Variants in IL23R observed in about 807,000 individuals in gnomAD.
IL23R encodes interleukin 23 receptor.
In IL23R, 34 loss-of-function variants were observed where a neutral mutation model predicts 56.9. That is an observed-to-expected ratio of 0.60 (90% CI 0.45 to 0.80). The LOEUF (loss-of-function observed/expected upper bound fraction) is 0.80. Ranked by LOEUF, IL23R falls within the 30% of genes least tolerant of loss-of-function variation. The pLI, the probability that IL23R is intolerant of heterozygous loss-of-function variation, is 0.00. For missense variants in IL23R, 635 were observed against 730.0 expected, an observed-to-expected ratio of 0.87 and a Z score of 1.50; for synonymous variants, 230 against 249.2, an observed-to-expected ratio of 0.92 and a Z score of 0.73.
intron 3 of IL23R, among the ~76,000 whole-genome samples, chr1:67,177,253 A>G (rs1647023189): frequency 2.0e-5 from 3 of 152,160 alleles, no homozygotes; most frequent in South Asian, 4.2e-4. Context: ...AAGTGTTCCT[A>G]TTTCTCCACA....
intron 1 of IL23R, among the ~76,000 whole-genome samples, chr1:67,155,454 C>T (rs1192405722): frequency 1.3e-5 from 2 of 152,222 alleles, no homozygotes; most frequent in Non-Finnish European, 2.9e-5. Context: ...GGTCTTCTTA[C>T]ATAGTCCCAT....
Position 67,219,715 on chromosome 1 carries a change from A to G in IL23R, c.940A>G (p.Lys314Glu). The G allele has an allele frequency of 1.2e-6, 2 of 1,613,654 alleles. No homozygotes were observed. Among genetic ancestry groups the G allele is most frequent in the Non-Finnish European group, 8.5e-7 (1 of 1,179,560 alleles). The change falls in exon 7 of 11, where the codon AAA becomes GAA. Residue 314 changes from lysine to glutamate, a missense_variant. Coordinates refer to ENST00000347310, the MANE Select transcript of IL23R (RefSeq NM_144701.3). ...GCCTTGGAGTTCACTGTTTTTTCAT[A>G]AAACACCTGAAACAGGTGAGTGTAC... ...WQPWSSLFFH[K>E]TPETVPQVTS... is the part of the protein sequence containing the mutation.
chr1:67,143,145 AG>A (rs1052760278), intron 1 of IL23R, among the ~76,000 whole-genome samples: 8 of 152,204 alleles, frequency 5.3e-5, no homozygotes, highest in African/African-American at 1.9e-4. Flanking sequence ...AAGAAAACTT[AG>A]GGTAAATATC....
chr1:67,208,627 T>G (rs1354507901), intron 6 of IL23R, among the ~76,000 whole-genome samples: 1 of 152,112 alleles, frequency 6.6e-6, no homozygotes, highest in Non-Finnish European at 1.5e-5. Context: ...AGAATTGAGG[T>G]TTGGGAACCT....
At chr1:67,244,643 A>C (rs553188890) in intron 9 of IL23R, among the ~76,000 whole-genome samples, 1 of 152,064 alleles carries the variant, frequency 6.6e-6, no homozygotes, top group Admixed American at 6.5e-5. Flanking sequence ...GTTATTTCTG[A>C]GGTCTCTGTT....
At chr1:67,212,371 G>C (rs1473711202) in intron 6 of IL23R, among the ~76,000 whole-genome samples, 3 of 152,148 alleles carry the variant, frequency 2.0e-5, no homozygotes, top group South Asian at 2.1e-4. Flanking sequence ...AGGAGTGGGA[G>C]GATACCAAAG....
At chr1:67,193,042 T>C (rs930441505) in intron 4 of IL23R, among the ~76,000 whole-genome samples, 1 of 152,154 alleles carries the variant, frequency 6.6e-6, no homozygotes, top group African/African-American at 2.4e-5. Context: ...TCTGATTTTG[T>C]CTTTAATCCC....
At chr1:67,183,724 G>T (rs1647198008) in intron 4 of IL23R, among the ~76,000 whole-genome samples, 4 of 151,994 alleles carry the variant, frequency 2.6e-5, no homozygotes, top group Non-Finnish European at 4.4e-5. Flanking sequence ...ATATAATTAT[G>T]CCATATTACC....
rs563275016 is a variant in IL23R at position 67,201,560 on chromosome 1, A to C, written c.652+663A>C. On this transcript the variant is annotated intron_variant, in intron 5 of 10. Transcript: ENST00000347310. ...AATCTACTAGGGAAGGCAAAAAAAAAAAAAACAAAAAAACACTATGATCAT... is the reference window on the plus strand; with the variant it reads ...AATCTACTAGGGAAGGCAAAAAAAACAAAAACAAAAAAACACTATGATCAT... Among the ~76,000 whole-genome samples the C allele has an allele frequency of 3.3e-5, 5 of 151,934 alleles. No homozygotes were observed. The South Asian group carries it at 6.2e-4, about 19-fold the overall frequency.
intron 7 of IL23R, among the ~76,000 whole-genome samples, chr1:67,228,010 CT>C (rs1230878028): frequency 3.3e-5 from 3 of 90,154 alleles, no homozygotes; most frequent in Admixed American, 1.1e-4. Flanking sequence ...TTCTTTCTTT[CT>C]TTCTTTCTTC....
upstream of IL23R, among the ~76,000 whole-genome samples, chr1:67,163,080 A>G (rs547152533): frequency 2.0e-5 from 3 of 152,302 alleles, no homozygotes; most frequent in East Asian, 3.9e-4. Context: ...TGATGATTCA[A>G]TCTTTTTTCT....
At chr1:67,249,091 C>T (rs1462772146) in intron 9 of IL23R, among the ~76,000 whole-genome samples, 2 of 152,196 alleles carry the variant, frequency 1.3e-5, no homozygotes, top group East Asian at 3.8e-4. Flanking sequence ...AGCTGCAGAC[C>T]AGACCTGTTC....
At chr1:67,181,519 T>C (rs1391606713) in intron 3 of IL23R, among the ~76,000 whole-genome samples, 2 of 152,242 alleles carry the variant, frequency 1.3e-5, no homozygotes, top group Non-Finnish European at 2.9e-5. Context: ...TTGGTTATTC[T>C]AGTTAGCCAT....
intron 3 of IL23R, among the ~76,000 whole-genome samples, chr1:67,176,507 T>C (rs532314317): frequency 1.2e-3 from 182 of 152,318 alleles, no homozygotes; most frequent in African/African-American, 4.1e-3. Flanking sequence ...GACATACTAA[T>C]TTAAAATAAA....
At chr1:67,166,321 T>C (rs1360248402), upstream of IL23R, 8 of 152,288 alleles carry the variant, frequency 5.3e-5, no homozygotes, top group Admixed American at 5.2e-4. Context: ...TTTCCCCAAA[T>C]AGTGACACGA....
At chr1:67,149,349 C>T (rs1231027715) in intron 1 of IL23R, among the ~76,000 whole-genome samples, 2 of 152,164 alleles carry the variant, frequency 1.3e-5, no homozygotes, top group East Asian at 3.9e-4. Flanking sequence ...AGTCAGGAGG[C>T]GGAGAGTGAC....
At chr1:67,158,226 AAAG>A (rs1413485100) in intron 1 of IL23R, among the ~76,000 whole-genome samples, 1 of 152,200 alleles carries the variant, frequency 6.6e-6, no homozygotes, top group Non-Finnish European at 1.5e-5. Flanking sequence ...AAAAAAAAAA[AAAG>A]AAATATTTTT....
intron 3 of IL23R, 88 bp downstream of exon 3, chr1:67,169,726 A>G (rs561999104): frequency 8.2e-7 from 1 of 1,212,210 alleles, no homozygotes; most frequent in East Asian, 2.3e-5. Context: ...AATAGGGACA[A>G]AATAATATAG....
At chr1:67,216,719 A>G (rs1649865146) in intron 6 of IL23R, among the ~76,000 whole-genome samples, 1 of 152,194 alleles carries the variant, frequency 6.6e-6, no homozygotes. Flanking sequence ...AAGTGAGAAA[A>G]CCATTCTTAA....
Sources: allele counts gnomAD v4.1 joint callset (sites outside exome capture counted in the v4.1 genomes callset), GRCh38; gene constraint gnomAD v4.1.1; transcripts MANE v1.5; gene names NCBI Gene and HGNC (gene_info 2026-07-23, HGNC 2026-07-21).